The following EPB41L3 variants were observed in gnomAD, a reference collection of about 807,000 sequenced individuals.
EPB41L3 encodes the protein erythrocyte membrane protein band 4.1 like 3.
EPB41L3 carries 57 observed loss-of-function variants against 127.1 expected under a neutral mutation model. That is an observed-to-expected ratio of 0.45 (90% CI 0.36 to 0.56). The LOEUF is 0.56. EPB41L3 is among the 20% of genes least tolerant of loss of function. EPB41L3 has a pLI of 0.00. For synonymous variants in EPB41L3, 572 were observed against 549.5 expected, an observed-to-expected ratio of 1.04 and a Z score of -0.57; for missense variants, 1,273 against 1,372.2, an observed-to-expected ratio of 0.93 and a Z score of 1.14.
chr18:5,478,233 A>G lies in EPB41L3; in HGVS notation c.381+8T>C, dbSNP rs1568351801. On this transcript the variant is annotated splice_region_variant and intron_variant, in intron 3 of 22. Coordinates refer to ENST00000341928, the MANE Select transcript of EPB41L3 (RefSeq NM_012307.5). Reference sequence around the variant, plus strand: ...CTAGGACAGAAAAGTCTTAAGACACACACTTACCTCTACATCACAGGTATA... The same window carrying G: ...CTAGGACAGAAAAGTCTTAAGACACGCACTTACCTCTACATCACAGGTATA... 1.2e-6 allele frequency: 2 copies of G among 1,612,806 alleles called. No individual in the cohort carries two copies. The highest frequency in any genetic ancestry group is 1.7e-6 in the Non-Finnish European group (2 of 1,178,866).
chr18:5,570,990 C>G (rs2094272609), intron 3 of EPB41L3: 2 of 152,132 alleles, frequency 1.3e-5, no homozygotes, highest in Non-Finnish European at 2.9e-5. Flanking sequence ...TATTTAGAGA[C>G]ATTTTTTTCT....
rs201378609 is a variant in EPB41L3 at position 5,414,417 on chromosome 18, AC to A, written c.2067+1400del. Among the ~76,000 whole-genome samples the A allele has an allele frequency of 9.1e-3, 1,365 of 150,130 alleles. 21 individuals are homozygous for A. Among genetic ancestry groups the A allele is most frequent in the African/African-American group, 0.033 (1,292 of 39,684 alleles). ...ACTTAAAACACCTGTGAGACCATTC[AC>A]ATTTTTTTCCTTCTGCTGCAAAGAA... is the stretch of plus-strand genomic sequence containing the variant. On this transcript the variant is annotated intron_variant, in intron 13 of 22. Transcript: ENST00000341928.
chr18:5,578,184 C>G (rs1451601029), intron 3 of EPB41L3, among the ~76,000 whole-genome samples: 1 of 152,144 alleles, frequency 6.6e-6, no homozygotes, highest in Non-Finnish European at 1.5e-5. Context: ...TGTATGCCAG[C>G]ACTTACAGTT....
intron 6 of EPB41L3, among the ~76,000 whole-genome samples, chr18:5,436,878 T>G (rs988050501): frequency 1.3e-5 from 2 of 152,222 alleles, no homozygotes; most frequent in African/African-American, 4.8e-5. Flanking sequence ...TTTTTACCCT[T>G]CTCTTAATAT....
intron 3 of EPB41L3, among the ~76,000 whole-genome samples, chr18:5,551,310 C>T (rs2093960176): frequency 6.6e-6 from 1 of 152,166 alleles, no homozygotes; most frequent in Non-Finnish European, 1.5e-5. Context: ...TTCCACTTCT[C>T]TTGATGTGAT....
At chr18:5,405,797 C>CAAAA (rs1029022595) in intron 16 of EPB41L3, among the ~76,000 whole-genome samples, 1 of 112,910 alleles carries the variant, frequency 8.9e-6, no homozygotes, top group Admixed American at 1.0e-4. Context: ...AACAAACAAA[C>CAAAA]AAAAACAAAA....
At chr18:5,500,222 A>G (rs868509804) in intron 1 of EPB41L3, among the ~76,000 whole-genome samples, 4 of 152,324 alleles carry the variant, frequency 2.6e-5, no homozygotes, top group Middle Eastern at 3.4e-3. Context: ...AGAGAGAAAA[A>G]GGTAGCATAT....
intron 3 of EPB41L3, among the ~76,000 whole-genome samples, chr18:5,563,648 G>A (rs2094162124): frequency 6.6e-6 from 1 of 152,136 alleles, no homozygotes; most frequent in South Asian, 2.1e-4. Context: ...AGGAAAGGAG[G>A]AGTCTGCCCT....
chr18:5,602,867 A>G (rs983572537), intron 3 of EPB41L3, among the ~76,000 whole-genome samples: 2 of 152,218 alleles, frequency 1.3e-5, no homozygotes, highest in Admixed American at 1.3e-4. Context: ...AAGGAAAGCT[A>G]CAGACTAAAA....
chr18:5,621,260 A>C (rs1416983686), intron 1 of EPB41L3, among the ~76,000 whole-genome samples: 1 of 152,172 alleles, frequency 6.6e-6, no homozygotes, highest in Non-Finnish European at 1.5e-5. Context: ...TCAGTTTTGC[A>C]AGCAGGGGAG....
intron 6 of EPB41L3, 116 bp downstream of exon 6, chr18:5,437,919 A>T (rs2080101459): frequency 1.2e-6 from 1 of 839,382 alleles, no homozygotes; most frequent in Admixed American, 2.8e-5. Context: ...TTTGTTTGCC[A>T]TTTGAGCGTG....
chr18:5,569,519 A>T (rs1352298448), intron 3 of EPB41L3, among the ~76,000 whole-genome samples: 8 of 152,210 alleles, frequency 5.3e-5, no homozygotes, highest in African/African-American at 1.9e-4. Flanking sequence ...GATGAGAGGA[A>T]GGATGAGAAA....
chr18:5,607,403 C>T (rs1432942247), intron 3 of EPB41L3, among the ~76,000 whole-genome samples: 2 of 152,130 alleles, frequency 1.3e-5, no homozygotes, highest in Admixed American at 6.5e-5. Flanking sequence ...ACTTGACAGT[C>T]GAGTTCCTTG....
chr18:5,433,366 T>G, intron 8 of EPB41L3, 103 bp downstream of exon 8: 1 of 771,220 alleles, frequency 1.3e-6, no homozygotes, highest in Non-Finnish European at 2.1e-6. Context: ...TTCTCAGAGG[T>G]TTCATTTACA....
At chr18:5,515,025 T>A (rs980855135) in intron 1 of EPB41L3, among the ~76,000 whole-genome samples, 1 of 152,212 alleles carries the variant, frequency 6.6e-6, no homozygotes, top group African/African-American at 2.4e-5. Flanking sequence ...TGGCCATCTA[T>A]CTATTATTAC....
chr18:5,448,939 T>A (rs2081915695), intron 3 of EPB41L3, among the ~76,000 whole-genome samples: 1 of 152,200 alleles, frequency 6.6e-6, no homozygotes, highest in Non-Finnish European at 1.5e-5. Context: ...CTTAAACAAG[T>A]TTCATGACTT....
At chr18:5,511,951 A>C (rs923206990) in intron 1 of EPB41L3, among the ~76,000 whole-genome samples, 8 of 152,258 alleles carry the variant, frequency 5.3e-5, no homozygotes, top group African/African-American at 1.9e-4. Flanking sequence ...ATATTTGAGA[A>C]TAACTACTTC....
chr18:5,529,673 G>A (rs2093348140), intron 1 of EPB41L3, among the ~76,000 whole-genome samples: 1 of 152,110 alleles, frequency 6.6e-6, no homozygotes, highest in Non-Finnish European at 1.5e-5. Flanking sequence ...CATTGCCCCA[G>A]CTCCATAGAC....
chr18:5,418,954 G>T (rs568809780), intron 12 of EPB41L3, among the ~76,000 whole-genome samples: 1 of 152,120 alleles, frequency 6.6e-6, no homozygotes, highest in Non-Finnish European at 1.5e-5. Flanking sequence ...TACAGGCCAG[G>T]AGCCACTCTG....
Sources: allele counts gnomAD v4.1 joint callset (sites outside exome capture counted in the v4.1 genomes callset), GRCh38; gene constraint gnomAD v4.1.1; transcripts MANE v1.5; gene names NCBI Gene and HGNC (gene_info 2026-07-23, HGNC 2026-07-21).